Variants in HMGCLL1 observed in about 807,000 individuals in gnomAD.
HMGCLL1 encodes 3-hydroxy-3-methylglutaryl-CoA lyase like 1.
HMGCLL1 carries 36 observed loss-of-function variants against 39.1 expected under a neutral mutation model. That is an observed-to-expected ratio of 0.92 (90% confidence interval 0.71 to 1.22). The LOEUF (loss-of-function observed/expected upper bound fraction) is 1.22. Ranked by LOEUF, HMGCLL1 falls within the 50% of genes most tolerant of loss-of-function variation. The pLI is 0.00. For missense variants in HMGCLL1, 451 were observed against 416.5 expected, an observed-to-expected ratio of 1.08 and a Z score of -0.72; for synonymous variants, 149 against 144.0, an observed-to-expected ratio of 1.03 and a Z score of -0.25.
rs570222838 is a variant in HMGCLL1 at position 55,555,327 on chromosome 6, A to G, written c.109-13187T>C. Among the ~76,000 whole-genome samples, 10 of 149,210 alleles carry G rather than the reference A, an allele frequency of 6.7e-5. No homozygotes were observed. The South Asian group carries it at 2.2e-3, about 32-fold the overall frequency. ...TCTACTCCTTAAAAATACTCCATAA[A>G]ATATCAAAAAGTCAACAACAACAAC... On this transcript the variant is annotated intron_variant, in intron 1 of 8. Coordinates refer to ENST00000274901, the MANE Select transcript of HMGCLL1 (RefSeq NM_001042406.2).
At chr6:55,476,687 T>A (rs1314175636) in intron 7 of HMGCLL1, among the ~76,000 whole-genome samples, 2 of 151,754 alleles carry the variant, frequency 1.3e-5, no homozygotes, top group African/African-American at 4.8e-5. Context: ...TTTTATATGT[T>A]AAACTAGAAT....
At chr6:55,651,827 G>T in the HMGCLL1 span, among the ~76,000 whole-genome samples, 1 of 152,068 alleles carries the variant, frequency 6.6e-6, no homozygotes, top group South Asian at 2.1e-4. Flanking sequence ...CCATGTACAG[G>T]TGCTGGCTTA....
At position 55,448,048 on chromosome 6, in the gene HMGCLL1, C is replaced by T. The variant is rs998427884; in HGVS notation, c.796-8489G>A. ...TATGAGACTTTCTGAAAAGTTTCCA[C>T]ACAAGTTAGCAACATTAGCAAACAA... On this transcript the variant is annotated intron_variant, in intron 7 of 8. Coordinates refer to ENST00000274901, the MANE Select transcript of HMGCLL1 (RefSeq NM_001042406.2). Among the ~76,000 whole-genome samples the T allele has an allele frequency of 6.6e-5, 10 of 152,048 alleles. 1 individual carries two copies. The highest frequency in any genetic ancestry group is 3.3e-4 in the Admixed American group (5 of 15,254).
rs769424914 is a variant in HMGCLL1, at chr6:55,576,940, T to G, written c.108+2008A>C. The G allele has an allele frequency of 5.2e-4, 610 of 1,172,810 alleles. 1 individual carries two copies. Among genetic ancestry groups the G allele is most frequent in the Non-Finnish European group, 6.5e-4 (544 of 835,924 alleles). The allele number at this position is 1,172,810 out of a possible 1,614,324, so 72.7% of individuals were successfully genotyped here. A position where few individuals can be genotyped will look rare whatever the true frequency, so the allele number is the denominator to read the frequency against. On this transcript the variant is annotated intron_variant, in intron 1 of 8. Coordinates refer to ENST00000274901, the MANE Select transcript of HMGCLL1 (RefSeq NM_001042406.2). ...CAAATGAGCAGCTGAACATCTGGACTGGAATTCAAGAGAAATAGGGGAATG... is the reference window on the plus strand; with the variant it reads ...CAAATGAGCAGCTGAACATCTGGACGGGAATTCAAGAGAAATAGGGGAATG...
At chr6:55,661,880 C>A in the HMGCLL1 span, among the ~76,000 whole-genome samples, 1 of 151,764 alleles carries the variant, frequency 6.6e-6, no homozygotes, top group Non-Finnish European at 1.5e-5. Flanking sequence ...TATGTAATCT[C>A]TGATTTCTTT....
chr6:55,439,554 T>C lies in HMGCLL1; in HGVS notation c.801A>G (p.Gly267=), dbSNP rs367874288. The change falls in exon 8 of 9, where the codon GGA becomes GGG. Residue 267 remains glycine, a synonymous_variant. Transcript: ENST00000274901. ...ATACTGCGGAGTCCACCACATTAAT[T>C]CCCATCTGGAAAACAAACCAAACCA... The part of the protein sequence containing the change: ...LANILTALQM[G]INVVDSAVSG... The C allele has an allele frequency of 3.1e-6, 5 of 1,611,900 alleles. No homozygotes were observed. The African/African-American group carries it at 6.7e-5, about 22-fold the overall frequency.
chr6:55,481,077 C>A (rs1765720477), intron 7 of HMGCLL1, among the ~76,000 whole-genome samples: 1 of 151,994 alleles, frequency 6.6e-6, no homozygotes, highest in Non-Finnish European at 1.5e-5. Context: ...CAAATGACTA[C>A]AGCCAACAAT....
In HMGCLL1 at chr6:55,541,841, G is replaced by A. The variant is rs1769456651; in HGVS notation, c.190-5C>T. 2 of 1,479,352 alleles carry A rather than the reference G, an allele frequency of 1.4e-6. No homozygotes were observed. Among genetic ancestry groups the A allele is most frequent in the African/African-American group, 2.8e-5 (2 of 70,728 alleles). 91.6% of individuals were successfully genotyped at this position (1,479,352 alleles called of 1,614,324 possible). A position where few individuals can be genotyped will look rare whatever the true frequency, so the allele number is the denominator to read the frequency against. ...TATATCTGTAGGAACTATAACCTAT[G>A]AAAACAAAAAATATTTTATAAGTAA... On this transcript the variant is annotated splice_region_variant and splice_polypyrimidine_tract_variant and intron_variant, in intron 2 of 8. Coordinates refer to ENST00000274901, the MANE Select transcript of HMGCLL1 (RefSeq NM_001042406.2).
intron 1 of HMGCLL1, among the ~76,000 whole-genome samples, chr6:55,545,835 G>A (rs941036186): frequency 1.3e-5 from 2 of 152,106 alleles, no homozygotes; most frequent in African/African-American, 2.4e-5. Flanking sequence ...TGCTCAGGAA[G>A]AGACTAAAGA....
At chr6:55,526,033 C>T (rs1768301173) in intron 3 of HMGCLL1, among the ~76,000 whole-genome samples, 1 of 151,790 alleles carries the variant, frequency 6.6e-6, no homozygotes, top group Non-Finnish European at 1.5e-5. Context: ...CAAGGAAAGC[C>T]TTATATTAAG....
At chr6:55,511,025 T>C in intron 5 of HMGCLL1, among the ~76,000 whole-genome samples, 1 of 152,044 alleles carries the variant, frequency 6.6e-6, no homozygotes, top group East Asian at 1.9e-4. Flanking sequence ...ATTAAAGTAC[T>C]ACTTCATATC....
At chr6:55,619,876 T>C in the HMGCLL1 span, among the ~76,000 whole-genome samples, 1 of 152,078 alleles carries the variant, frequency 6.6e-6, no homozygotes, top group South Asian at 2.1e-4. Flanking sequence ...TCCATTCTAC[T>C]CTCTATCTCC....
At chr6:55,472,866 T>C (rs533410594) in intron 7 of HMGCLL1, among the ~76,000 whole-genome samples, 1 of 151,650 alleles carries the variant, frequency 6.6e-6, no homozygotes, top group Non-Finnish European at 1.5e-5. Flanking sequence ...TTTTAAACTA[T>C]AATAGTGAAT....
At chr6:55,601,520 C>A in the HMGCLL1 span, among the ~76,000 whole-genome samples, 1 of 152,134 alleles carries the variant, frequency 6.6e-6, no homozygotes, top group East Asian at 1.9e-4. Context: ...CAAATTTAAT[C>A]TAAACTCAAG....
chr6:55,579,209 G>C (rs1771925167), upstream of HMGCLL1: 2 of 635,108 alleles, frequency 3.1e-6, no homozygotes, highest in African/African-American at 3.7e-5. Context: ...CGGCGGCGCC[G>C]AGAGGGCGGG....
chr6:55,509,724 T>C (rs1204291872), intron 5 of HMGCLL1, among the ~76,000 whole-genome samples: 1 of 151,870 alleles, frequency 6.6e-6, no homozygotes, highest in Non-Finnish European at 1.5e-5. Flanking sequence ...ACAGGAAGAA[T>C]TTCCTAACAT....
At position 55,538,001 on chromosome 6, in the gene HMGCLL1, C is replaced by CT. The variant is rs544092889; in HGVS notation, c.297+3727dup. The stretch of plus-strand genomic sequence containing the variant: ...CAATTACTTCTCACAAAGGGACTGC[C>CT]TTTTTTTTTCCTTTTGTCCATCTTT... On this transcript the variant is annotated intron_variant, in intron 3 of 8. Transcript: ENST00000274901. Among the ~76,000 whole-genome samples the CT allele has an allele frequency of 1.9e-4, 29 of 151,336 alleles. No homozygotes were observed. In the East Asian group the frequency reaches 2.1e-3, roughly 11 times the overall value.
the HMGCLL1 span, among the ~76,000 whole-genome samples, chr6:55,584,647 G>T: frequency 6.6e-6 from 1 of 152,044 alleles, no homozygotes; most frequent in Non-Finnish European, 1.5e-5. Flanking sequence ...GGGTGAGAAG[G>T]ATCTAATTAA....
chr6:55,483,069 A>G (rs1765826786), intron 7 of HMGCLL1, among the ~76,000 whole-genome samples: 1 of 152,106 alleles, frequency 6.6e-6, no homozygotes, highest in Admixed American at 6.6e-5. Flanking sequence ...GAAATAACCA[A>G]ATTTCATTTT....
Sources: allele counts gnomAD v4.1 joint callset (sites outside exome capture counted in the v4.1 genomes callset), GRCh38; gene constraint gnomAD v4.1.1; transcripts MANE v1.5; gene names NCBI Gene and HGNC (gene_info 2026-07-23, HGNC 2026-07-21).